The following CLDN16 variants were observed in gnomAD, a reference collection of about 807,000 sequenced individuals.
CLDN16 encodes the protein claudin-16.
In CLDN16, 13 loss-of-function variants were observed where a neutral mutation model predicts 24.6. The observed-to-expected ratio is 0.53, with a 90% CI of 0.34 to 0.84. CLDN16 has a LOEUF of 0.84. Ranked by LOEUF, CLDN16 falls within the 40% of genes least tolerant of loss-of-function variation. The pLI is 0.01. For missense variants in CLDN16, 298 were observed against 292.7 expected (o/e 1.02, Z -0.13); for synonymous variants, 116 against 106.7 (o/e 1.09, Z -0.54).
chr3:190,339,109 C>T (rs1717373893), intron 1 of CLDN16, among the ~76,000 whole-genome samples: 1 of 152,196 alleles, frequency 6.6e-6, no homozygotes, highest in East Asian at 1.9e-4. Flanking sequence ...AGAGAGCTAA[C>T]TAGGGGATTA....
chr3:190,386,197 T>C (rs923919628), upstream of CLDN16, among the ~76,000 whole-genome samples: 6 of 152,138 alleles, frequency 3.9e-5, no homozygotes, highest in Non-Finnish European at 8.8e-5. Context: ...CAGGGAAAGA[T>C]TCTCTGTGAC....
At chr3:190,380,774 T>C (rs1718354128) in intron 3 of CLDN16, among the ~76,000 whole-genome samples, 1 of 151,930 alleles carries the variant, frequency 6.6e-6, no homozygotes, top group Non-Finnish European at 1.5e-5. Flanking sequence ...TAAAACTCCA[T>C]CTAAAAAAAT....
intron 1 of CLDN16, among the ~76,000 whole-genome samples, chr3:190,364,574 T>A (rs1048170609): frequency 3.9e-5 from 6 of 151,940 alleles, no homozygotes; most frequent in Non-Finnish European, 7.4e-5. Context: ...GCCGATGGTA[T>A]GACTGGCCTT....
chr3:190,336,594 C>T (rs776431008), intron 1 of CLDN16, among the ~76,000 whole-genome samples: 1 of 152,208 alleles, frequency 6.6e-6, no homozygotes, highest in Non-Finnish European at 1.5e-5. Flanking sequence ...CCATATAGCA[C>T]AAGCTGTCCT....
the CLDN16 span, among the ~76,000 whole-genome samples, chr3:190,295,640 A>G: frequency 6.6e-6 from 1 of 152,198 alleles, no homozygotes; most frequent in African/African-American, 2.4e-5. Context: ...TTGAACTCAG[A>G]AGATCCATGT....
At chr3:190,296,878 C>T in the CLDN16 span, among the ~76,000 whole-genome samples, 1 of 152,102 alleles carries the variant, frequency 6.6e-6, no homozygotes, top group Non-Finnish European at 1.5e-5. Flanking sequence ...ATGTGGAAAT[C>T]TTGGAGGATT....
rs1719290052 is a variant in CLDN16, at chr3:190,411,695, C to G, written c.*1659C>G. The G allele has an allele frequency of 6.6e-6, 1 of 152,182 alleles. No individual in the cohort carries two copies. Among genetic ancestry groups the G allele is most frequent in the African/African-American group, 2.4e-5 (1 of 41,458 alleles). The allele number at this position is 152,182 out of a possible 1,614,324, so 9.4% of individuals were successfully genotyped here. ...AACGTTTCGAGATTGCTGTTTATTACTTCCCAGAGTATCTTTAACAGTATT... is the reference window on the plus strand; with the variant it reads ...AACGTTTCGAGATTGCTGTTTATTAGTTCCCAGAGTATCTTTAACAGTATT... On this transcript the variant is annotated 3_prime_UTR_variant, in exon 5 of 5. Transcript: ENST00000264734.
the CLDN16 span, among the ~76,000 whole-genome samples, chr3:190,295,698 T>C: frequency 6.6e-6 from 1 of 152,196 alleles, no homozygotes; most frequent in Non-Finnish European, 1.5e-5. Context: ...AAACTCTTCT[T>C]TTTTACAGGC....
At chr3:190,308,512 A>G in the CLDN16 span, 1 of 1,369,086 alleles carries the variant, frequency 7.3e-7, no homozygotes, top group Non-Finnish European at 1.0e-6. Flanking sequence ...AAAAGGAAAA[A>G]AAATCAATAC....
chr3:190,368,615 C>G (rs1488228216), intron 1 of CLDN16, among the ~76,000 whole-genome samples: 2 of 151,876 alleles, frequency 1.3e-5, no homozygotes, highest in Non-Finnish European at 2.9e-5. Context: ...GACTTAAGTT[C>G]GTCAATTCAG....
At chr3:190,348,361 G>A (rs1261630021) in intron 1 of CLDN16, among the ~76,000 whole-genome samples, 1 of 147,150 alleles carries the variant, frequency 6.8e-6, no homozygotes, top group Non-Finnish European at 1.5e-5. Flanking sequence ...GTGTGTGTGT[G>A]TGTGGTGTGT....
chr3:190,359,865 AC>A (rs1252780072), intron 1 of CLDN16, among the ~76,000 whole-genome samples: 2 of 152,148 alleles, frequency 1.3e-5, no homozygotes, highest in Non-Finnish European at 2.9e-5. Flanking sequence ...ATTTGATGTG[AC>A]TAGAACTTGT....
chr3:190,302,521 G>A, the CLDN16 span, among the ~76,000 whole-genome samples: 6 of 152,238 alleles, frequency 3.9e-5, no homozygotes, highest in South Asian at 2.1e-4. Context: ...CCATAATCCT[G>A]CAGTTTGGGA....
At chr3:190,290,428 A>C in the CLDN16 span, among the ~76,000 whole-genome samples, 1 of 152,206 alleles carries the variant, frequency 6.6e-6, no homozygotes, top group East Asian at 1.9e-4. Context: ...CTTGAAAAAG[A>C]ATTAGGTTTA....
chr3:190,408,259 G>T, intron 3 of CLDN16, 55 bp from the exon 4 acceptor site: 1 of 1,538,622 alleles, frequency 6.5e-7, no homozygotes, highest in Admixed American at 1.7e-5. Flanking sequence ...GGTATTTTTG[G>T]ATTTAAATTC....
At chr3:190,376,973 A>T (rs1718261314) in intron 3 of CLDN16, among the ~76,000 whole-genome samples, 1 of 151,974 alleles carries the variant, frequency 6.6e-6, no homozygotes, top group Non-Finnish European at 1.5e-5. Context: ...CTATCGGATG[A>T]TGAAACCTGA....
upstream of CLDN16, among the ~76,000 whole-genome samples, chr3:190,384,751 T>C (rs1472966762): frequency 6.6e-6 from 1 of 152,178 alleles, no homozygotes; most frequent in Non-Finnish European, 1.5e-5. Flanking sequence ...ATTAAATTAT[T>C]ACACATTTGC....
intron 1 of CLDN16, among the ~76,000 whole-genome samples, chr3:190,395,369 C>T (rs1358186632): frequency 1.3e-5 from 2 of 151,986 alleles, no homozygotes. Context: ...GAAAAGGCAA[C>T]ATTGATTATG....
chr3:190,397,630 C>T (rs1157793080), intron 1 of CLDN16, among the ~76,000 whole-genome samples: 1 of 152,130 alleles, frequency 6.6e-6, no homozygotes, highest in African/African-American at 2.4e-5. Flanking sequence ...GTCTTTTGTG[C>T]ACAAAGGCAC....
Sources: gnomAD v4.1 joint callset for allele counts (sites outside exome capture counted in the v4.1 genomes callset) on GRCh38, gnomAD v4.1.1 for gene constraint, MANE v1.5 for transcripts, NCBI Gene and HGNC (gene_info 2026-07-23, HGNC 2026-07-21) for gene names.